Variants in KCNN2 observed in about 807,000 individuals in gnomAD.
KCNN2 encodes potassium calcium-activated channel subfamily N member 2.
Under a neutral mutation model 55.5 loss-of-function variants are expected in KCNN2, and 24 were observed. That is an observed-to-expected ratio of 0.43 (90% CI 0.31 to 0.61). KCNN2 has a LOEUF of 0.61. KCNN2 is among the 20% of genes least tolerant of loss of function. The probability of loss-of-function intolerance (pLI) is 0.08; values close to 1 mark genes in which losing one functional copy is unlikely to be tolerated. For missense variants in KCNN2, 754 were observed against 853.6 expected (o/e 0.88, Z 1.45); for synonymous variants, 431 against 336.1 (o/e 1.28, Z -3.09).
intron 3 of KCNN2, among the ~76,000 whole-genome samples, chr5:114,427,632 A>C (rs983214126): frequency 6.6e-6 from 1 of 152,194 alleles, no homozygotes; most frequent in African/African-American, 2.4e-5. Context: ...GTATGTGCTC[A>C]TTTCTCCTGG....
At chr5:114,365,807 A>G (rs1757582973) in intron 2 of KCNN2, among the ~76,000 whole-genome samples, 1 of 152,238 alleles carries the variant, frequency 6.6e-6, no homozygotes, top group Non-Finnish European at 1.5e-5. Flanking sequence ...TGTTTGGAGG[A>G]CAGAGTCGTT....
intron 1 of KCNN2, among the ~76,000 whole-genome samples, chr5:114,165,764 A>T (rs1026607358): frequency 6.6e-6 from 1 of 152,194 alleles, no homozygotes; most frequent in Admixed American, 6.5e-5. Flanking sequence ...TACATGTAAC[A>T]TACAAAATAT....
intron 2 of KCNN2, among the ~76,000 whole-genome samples, chr5:114,392,179 C>A (rs976366339): frequency 1.3e-5 from 2 of 152,046 alleles, no homozygotes; most frequent in East Asian, 1.9e-4. Flanking sequence ...GATAGTGTTG[C>A]CTACAACATA....
intron 1 of KCNN2, among the ~76,000 whole-genome samples, chr5:114,147,983 A>T (rs1236847976): frequency 2.0e-5 from 3 of 152,148 alleles, no homozygotes; most frequent in Non-Finnish European, 2.9e-5. Flanking sequence ...TCAGTATATC[A>T]TCCACATAAC....
intron 1 of KCNN2, among the ~76,000 whole-genome samples, chr5:114,113,019 G>A (rs1255016495): frequency 1.3e-5 from 2 of 152,040 alleles, no homozygotes; most frequent in African/African-American, 2.4e-5. Context: ...AGAGAGGAAT[G>A]CACTTATTAA....
intron 1 of KCNN2, among the ~76,000 whole-genome samples, chr5:114,141,095 T>C (rs1031194773): frequency 6.6e-6 from 1 of 152,044 alleles, no homozygotes; most frequent in African/African-American, 2.4e-5. Flanking sequence ...TTCATTATTA[T>C]TATTTTTAGT....
rs182634843 is a variant in KCNN2 at position 114,137,557 on chromosome 5, G to T, written c.-271+81057G>T. 3.4e-5 allele frequency among the ~76,000 whole-genome samples: 5 copies of T among 145,178 alleles called. 1 individual carries two copies. In the South Asian group the frequency reaches 1.1e-3, roughly 32 times the overall value. On this transcript the variant is annotated intron_variant, in intron 1 of 10. Transcript: ENST00000512097. The stretch of plus-strand genomic sequence containing the variant: ...AGTAAATTAAATAATAAAGTACTTC[G>T]CATAGCATTATGAAGCCTAGATATG...
intron 1 of KCNN2, among the ~76,000 whole-genome samples, chr5:114,177,746 A>G (rs540635151): frequency 6.6e-6 from 1 of 152,268 alleles, no homozygotes; most frequent in East Asian, 1.9e-4. Flanking sequence ...AAGTTAAAGT[A>G]TGAGGTAATT....
intron 2 of KCNN2, among the ~76,000 whole-genome samples, chr5:114,369,545 C>T (rs556298623): frequency 6.6e-6 from 1 of 152,182 alleles, no homozygotes; most frequent in South Asian, 2.1e-4. Flanking sequence ...GGTAAGACTC[C>T]AAAAGATAGT....
At chr5:114,392,140 G>A (rs887235984) in intron 2 of KCNN2, among the ~76,000 whole-genome samples, 5 of 152,192 alleles carry the variant, frequency 3.3e-5, no homozygotes, top group Non-Finnish European at 5.9e-5. Context: ...CAAGAGAGAA[G>A]GATGGGAATA....
chr5:114,129,350 T>A (rs1190932000), intron 1 of KCNN2, among the ~76,000 whole-genome samples: 4 of 152,144 alleles, frequency 2.6e-5, no homozygotes, highest in African/African-American at 9.7e-5. Context: ...TACAAAAAAT[T>A]TCTTCTGCTA....
intron 4 of KCNN2, among the ~76,000 whole-genome samples, chr5:114,468,656 G>GTGTT (rs1761565142): frequency 6.6e-6 from 1 of 152,114 alleles, no homozygotes; most frequent in African/African-American, 2.4e-5. Context: ...TTGAACATTA[G>GTGTT]TGTTTTTTAT....
chr5:114,348,943 G>A (rs965816725), intron 2 of KCNN2, among the ~76,000 whole-genome samples: 2 of 152,016 alleles, frequency 1.3e-5, no homozygotes, highest in African/African-American at 4.8e-5. Flanking sequence ...CATTTAAAGT[G>A]TATAAATCAA....
intron 1 of KCNN2, among the ~76,000 whole-genome samples, chr5:114,087,605 T>C (rs1751044271): frequency 6.6e-6 from 1 of 152,102 alleles, no homozygotes; most frequent in Non-Finnish European, 1.5e-5. Flanking sequence ...TAGTTCATTC[T>C]TATTTATGTA....
intron 6 of KCNN2, among the ~76,000 whole-genome samples, chr5:114,488,108 A>G (rs1421939054): frequency 6.6e-6 from 1 of 152,174 alleles, no homozygotes; most frequent in Non-Finnish European, 1.5e-5. Context: ...TTCTATAGGA[A>G]ATTACTAAGC....
chr5:114,449,875 AACATAC>A (rs1221745000), intron 3 of KCNN2, among the ~76,000 whole-genome samples: 1 of 57,230 alleles, frequency 1.7e-5, no homozygotes, highest in Non-Finnish European at 3.4e-5. Flanking sequence ...TAAGCATCCA[AACATAC>A]ACACACACAC....
chr5:114,423,005 C>T (rs1759514636), intron 3 of KCNN2, among the ~76,000 whole-genome samples: 1 of 152,356 alleles, frequency 6.6e-6, no homozygotes, highest in East Asian at 1.9e-4. Context: ...GTATCCACAT[C>T]TCCCAGCACA....
chr5:114,319,599 T>C (rs1756574397), intron 2 of KCNN2, among the ~76,000 whole-genome samples: 1 of 152,208 alleles, frequency 6.6e-6, no homozygotes, highest in Non-Finnish European at 1.5e-5. Context: ...AAATCTCTAC[T>C]CCTTTGCCAT....
intron 2 of KCNN2, among the ~76,000 whole-genome samples, chr5:114,335,092 T>G (rs2150034463): frequency 6.6e-6 from 1 of 152,212 alleles, no homozygotes; most frequent in South Asian, 2.1e-4. Flanking sequence ...CCCGGCTAAT[T>G]TTTTGTATTT....
Sources: gnomAD v4.1 joint callset for allele counts (sites outside exome capture counted in the v4.1 genomes callset) on GRCh38, gnomAD v4.1.1 for gene constraint, MANE v1.5 for transcripts, NCBI Gene and HGNC (gene_info 2026-07-23, HGNC 2026-07-21) for gene names.